The following TBXAS1 variants were observed in gnomAD, a reference collection of about 807,000 sequenced individuals.
TBXAS1 encodes thromboxane-A synthase.
Under a neutral mutation model 60.7 loss-of-function variants are expected in TBXAS1, and 48 were observed. The observed-to-expected ratio is 0.79, with a 90% confidence interval of 0.63 to 1.01. The LOEUF is 1.01. TBXAS1 is among the 50% of genes least tolerant of loss of function. The probability of loss-of-function intolerance (pLI) is 0.00; values close to 1 mark genes in which losing one functional copy is unlikely to be tolerated. For missense variants in TBXAS1, 685 were observed against 686.3 expected, an observed-to-expected ratio of 1.00 and a Z score of 0.02; for synonymous variants, 287 against 269.7, an observed-to-expected ratio of 1.06 and a Z score of -0.63.
intron 4 of TBXAS1, among the ~76,000 whole-genome samples, chr7:139,821,482 C>A (rs2116443014): frequency 6.6e-6 from 1 of 152,266 alleles, no homozygotes; most frequent in Admixed American, 6.5e-5. Flanking sequence ...ATGGTCCCTG[C>A]CCTCAAGACT....
chr7:140,017,817 C>G lies in TBXAS1; in HGVS notation c.1511C>G (p.Ala504Gly). ...LHVLHKFRFQ[A>G]CPETQVPLQL... is the part of the protein sequence containing the mutation. ...GTGCTGCACAAGTTCCGGTTCCAAGCCTGCCCTGAGACCCAGGTGAGGCCC... is the reference window on the plus strand; with the variant it reads ...GTGCTGCACAAGTTCCGGTTCCAAGGCTGCCCTGAGACCCAGGTGAGGCCC... The change falls in exon 12 of 13, where the codon GCC becomes GGC. Residue 504 changes from alanine (A) to glycine (G), a missense_variant. Ala to Gly is a moderately conservative substitution (Grantham distance 60). Coordinates refer to ENST00000448866, the MANE Select transcript of TBXAS1 (RefSeq NM_001061.7). 1 of 1,614,064 alleles carries G rather than the reference C, an allele frequency of 6.2e-7. No individual in the cohort carries two copies. Among genetic ancestry groups the G allele is most frequent in the Non-Finnish European group, 8.5e-7 (1 of 1,179,956 alleles).
chr7:140,001,692 G>A lies in TBXAS1; in HGVS notation c.1135-5399G>A, dbSNP rs367677965. ...TGGGCGTGAGCCACCGTGACTGGCC[G>A]ATAAGAATTCTTTTCTAAACATGAC... On this transcript the variant is annotated intron_variant, in intron 9 of 12. Transcript: ENST00000448866. Among the ~76,000 whole-genome samples the A allele has an allele frequency of 3.7e-4, 57 of 152,148 alleles. 1 individual carries two copies. The South Asian group carries it at 8.9e-3, about 24-fold the overall frequency.
intron 3 of TBXAS1, among the ~76,000 whole-genome samples, chr7:139,881,480 C>A (rs1174502734): frequency 1.3e-5 from 2 of 151,992 alleles, no homozygotes; most frequent in Non-Finnish European, 2.9e-5. Flanking sequence ...GGGTAGAGTT[C>A]CATCTGGAAA....
intron 1 of TBXAS1, among the ~76,000 whole-genome samples, chr7:139,865,836 GA>G (rs1367002798): frequency 3.4e-4 from 33 of 95,958 alleles, no homozygotes; most frequent in African/African-American, 1.4e-3. Context: ...AGGGAGGGGG[GA>G]AAGGAAGAAG....
intron 4 of TBXAS1, among the ~76,000 whole-genome samples, chr7:139,802,510 C>T (rs779861046): frequency 2.6e-5 from 4 of 152,170 alleles, no homozygotes; most frequent in Admixed American, 6.5e-5. Flanking sequence ...CCCGGCTGTT[C>T]GCAGTGGCTC....
At chr7:139,953,541 G>T (rs1809585300) in intron 6 of TBXAS1, 85 bp downstream of exon 6, 1 of 1,320,246 alleles carries the variant, frequency 7.6e-7, no homozygotes, top group African/African-American at 1.4e-5. Context: ...CAATTACCTT[G>T]GGACTAGCAA....
chr7:139,886,814 T>G (rs761252960), intron 3 of TBXAS1, among the ~76,000 whole-genome samples: 1 of 152,166 alleles, frequency 6.6e-6, no homozygotes. Flanking sequence ...ATGATTGACA[T>G]GGCCACTAGG....
At chr7:139,868,944 C>T (rs374251572) in intron 1 of TBXAS1, among the ~76,000 whole-genome samples, 11 of 151,936 alleles carry the variant, frequency 7.2e-5, no homozygotes, top group South Asian at 6.2e-4. Flanking sequence ...CGAGCCACCA[C>T]GACCAGGCTC....
chr7:139,970,767 G>C (rs530253163), intron 9 of TBXAS1, among the ~76,000 whole-genome samples: 19 of 152,302 alleles, frequency 1.2e-4, no homozygotes, highest in African/African-American at 4.3e-4. Flanking sequence ...CATGGTGGGA[G>C]GTTAGGGGGA....
At chr7:139,953,545 C>T in intron 6 of TBXAS1, 89 bp downstream of exon 6, 1 of 1,281,098 alleles carries the variant, frequency 7.8e-7, no homozygotes, top group South Asian at 1.2e-5. Context: ...TACCTTGGGA[C>T]TAGCAAACTG....
In TBXAS1 at chr7:139,804,347, C is replaced by G. The variant is rs1040059360; in HGVS notation, c.-80+16921C>G. 1.4e-4 allele frequency among the ~76,000 whole-genome samples: 22 copies of G among 152,342 alleles called. No individual in the cohort carries two copies. The South Asian group carries it at 4.1e-3, about 29-fold the overall frequency. ...TGAAATGGATGTATTTACCCAATGC[C>G]TGTATCCCCATTGTATCTAGGAAAT... On this transcript the variant is annotated intron_variant, in intron 4 of 16. Coordinates refer to the TBXAS1 transcript ENST00000336425.
At chr7:139,784,011 GTTTTTT>G (rs11340240) in intron 3 of TBXAS1, among the ~76,000 whole-genome samples, 4 of 132,068 alleles carry the variant, frequency 3.0e-5, no homozygotes, top group Non-Finnish European at 6.4e-5. Flanking sequence ...AGTTTTTTTT[GTTTTTT>G]TTTTTTTTGT....
chr7:140,000,894 A>C (rs1015034931), intron 9 of TBXAS1, among the ~76,000 whole-genome samples: 6 of 152,226 alleles, frequency 3.9e-5, no homozygotes, highest in African/African-American at 1.2e-4. Flanking sequence ...CAGAAATATC[A>C]CCTGCTTAGG....
rs117269526 is a variant in TBXAS1 at position 139,970,078 on chromosome 7, G to A, written c.1134+7845G>A. On this transcript the variant is annotated intron_variant, in intron 9 of 12. Coordinates refer to ENST00000448866, the MANE Select transcript of TBXAS1 (RefSeq NM_001061.7). ...GATTTTGATTCAGCAGGTCTGGGAC[G>A]AGCCTGAGGGTCTGCATTTCTTTTT... 2.0e-5 allele frequency among the ~76,000 whole-genome samples: 3 copies of A among 152,250 alleles called. No individual in the cohort carries two copies. In the East Asian group the frequency reaches 5.8e-4, roughly 29 times the overall value.
chr7:139,845,351 T>C (rs1313210448), intron 1 of TBXAS1, among the ~76,000 whole-genome samples: 2 of 152,138 alleles, frequency 1.3e-5, no homozygotes, highest in African/African-American at 2.4e-5. Flanking sequence ...GCTTCTCACC[T>C]GGTGCCTGGC....
At chr7:139,837,707 C>G (rs1007114358) in intron 1 of TBXAS1, among the ~76,000 whole-genome samples, 6 of 152,156 alleles carry the variant, frequency 3.9e-5, no homozygotes, top group Admixed American at 2.6e-4. Context: ...AAATATGGTG[C>G]AGTGTGTACT....
intron 5 of TBXAS1, among the ~76,000 whole-genome samples, chr7:139,941,175 C>A (rs1440333384): frequency 6.6e-6 from 1 of 152,198 alleles, no homozygotes; most frequent in South Asian, 2.1e-4. Flanking sequence ...AGTCTTTGGA[C>A]TTTTGTTATC....
At chr7:139,905,047 C>CTTT (rs1267648213) in intron 3 of TBXAS1, among the ~76,000 whole-genome samples, 1 of 86,384 alleles carries the variant, frequency 1.2e-5, no homozygotes, top group Non-Finnish European at 2.2e-5. Flanking sequence ...TTCTTTCTTT[C>CTTT]TTTCTTTCTT....
intron 4 of TBXAS1, among the ~76,000 whole-genome samples, chr7:139,809,220 A>G (rs1359153857): frequency 7.5e-6 from 1 of 132,984 alleles, no homozygotes; most frequent in African/African-American, 3.1e-5. Flanking sequence ...AGATAGATAG[A>G]TAGATAGATA....
Sources: allele counts gnomAD v4.1 joint callset (sites outside exome capture counted in the v4.1 genomes callset), GRCh38; gene constraint gnomAD v4.1.1; transcripts MANE v1.5; gene names NCBI Gene and HGNC (gene_info 2026-07-23, HGNC 2026-07-21).